The following MICOS10 variants were observed in gnomAD, a reference collection of about 807,000 sequenced individuals.
MICOS10 encodes the protein mitochondrial contact site and cristae organizing system subunit 10, also known as MICOS complex subunit MIC10.
In MICOS10, 5 loss-of-function variants were observed where a neutral mutation model predicts 13.4. The observed-to-expected ratio is 0.37, with a 90% CI of 0.20 to 0.78. The LOEUF is 0.78. Among genes scored for constraint, MICOS10 ranks in the 30% least tolerant of loss-of-function variants. The pLI is 0.47. For missense variants in MICOS10, 101 were observed against 94.6 expected, an observed-to-expected ratio of 1.07 and a Z score of -0.28; for synonymous variants, 35 against 33.6, an observed-to-expected ratio of 1.04 and a Z score of -0.15.
At chr1:19,622,217 A>AGG in intron 2 of MICOS10, 70 bp downstream of exon 2, 2 of 1,299,308 alleles carry the variant, frequency 1.5e-6, no homozygotes, top group Non-Finnish European at 2.2e-6. Flanking sequence ...ACACTTCCAG[A>AGG]GGACACATTG....
chr1:19,608,478 C>T (rs755204603), intron 1 of MICOS10: 21 of 1,247,910 alleles, frequency 1.7e-5, no homozygotes, highest in Middle Eastern at 1.9e-4. Flanking sequence ...CTTGCCTGCT[C>T]GGGTATGAAG....
chr1:19,608,613 T>TA (rs767592470), intron 1 of MICOS10: 46 of 721,112 alleles, frequency 6.4e-5, no homozygotes, highest in Admixed American at 1.1e-4. Context: ...TGCCTTCATG[T>TA]AAAAAATAAA....
Position 19,617,071 on chromosome 1 carries a change from C to G in MICOS10, c.65-5029C>G, listed in dbSNP as rs915658724. On this transcript the variant is annotated intron_variant, in intron 1 of 3. Transcript: ENST00000322753. ...CTCCAGCTATGTTTCTTGTTTTATG[C>G]ATTCTTGGGAGCTGTATGGCTGTCA... Among the ~76,000 whole-genome samples, 3 of 152,212 alleles carry G rather than the reference C, an allele frequency of 2.0e-5. No individual in the cohort carries two copies. The East Asian group carries it at 5.8e-4, about 29-fold the overall frequency.
Position 19,608,086 on chromosome 1 carries a change from G to C in MICOS10, c.64+10977G>C, listed in dbSNP as rs147335470. The C allele has an allele frequency of 3.5e-6, 3 of 863,346 alleles. No homozygotes were observed. The East Asian group carries it at 7.2e-5, about 21-fold the overall frequency. The allele number at this position is 863,346 out of a possible 1,614,324, so 53.5% of individuals were successfully genotyped here. On this transcript the variant is annotated intron_variant, in intron 1 of 3. Transcript: ENST00000322753. ...CTATAAAACCTATAAGAGCTTTCCCGTGTGGAGTCTGGAGACGACGTGCAG... is the reference window on the plus strand; with the variant it reads ...CTATAAAACCTATAAGAGCTTTCCCCTGTGGAGTCTGGAGACGACGTGCAG...
intron 1 of MICOS10, among the ~76,000 whole-genome samples, chr1:19,621,507 CTT>C (rs1391178642): frequency 6.6e-6 from 1 of 152,126 alleles, no homozygotes; most frequent in East Asian, 1.9e-4. Context: ...GTCTGGCAGA[CTT>C]GAGCCCAGAT....
At chr1:19,614,353 C>T (rs1196402422) in intron 1 of MICOS10, 4 of 150,886 alleles carry the variant, frequency 2.7e-5, no homozygotes, top group Non-Finnish European at 5.9e-5. Flanking sequence ...GATACACACA[C>T]ACCTGCACAC....
intron 1 of MICOS10, among the ~76,000 whole-genome samples, chr1:19,602,600 A>G (rs1051401757): frequency 2.0e-5 from 3 of 152,246 alleles, no homozygotes; most frequent in African/African-American, 7.2e-5. Context: ...CATTTTATGA[A>G]TGGCATGTTC....
chr1:19,620,044 C>G (rs574655911), intron 1 of MICOS10, among the ~76,000 whole-genome samples: 16 of 152,226 alleles, frequency 1.1e-4, no homozygotes, highest in Non-Finnish European at 2.4e-4. Flanking sequence ...AAACTGTATT[C>G]ATTGTTAAAT....
intron 1 of MICOS10, among the ~76,000 whole-genome samples, chr1:19,614,261 A>G (rs1272152565): frequency 6.6e-6 from 1 of 151,682 alleles, no homozygotes; most frequent in Non-Finnish European, 1.5e-5. Context: ...TCATTGTTTT[A>G]TAATTATCCA....
intron 2 of MICOS10, among the ~76,000 whole-genome samples, chr1:19,623,093 T>G (rs908300849): frequency 6.6e-6 from 1 of 151,980 alleles, no homozygotes; most frequent in Non-Finnish European, 1.5e-5. Flanking sequence ...GGCTAATTTT[T>G]TTGTATTTTA....
intron 1 of MICOS10, among the ~76,000 whole-genome samples, chr1:19,614,325 TAA>T (rs1292506561): frequency 2.2e-5 from 3 of 136,584 alleles, no homozygotes; most frequent in Non-Finnish European, 1.6e-5. Flanking sequence ...ACCTCCCTTA[TAA>T]AAAAAAAAAA....
chr1:19,600,947 C>G, intron 1 of MICOS10: 1 of 1,289,358 alleles, frequency 7.8e-7, no homozygotes, highest in Non-Finnish European at 1.0e-6. Context: ...TGAAGGGAAG[C>G]CATGGTGAAT....
intron 1 of MICOS10, among the ~76,000 whole-genome samples, chr1:19,614,843 C>T (rs2094877632): frequency 6.6e-6 from 1 of 152,186 alleles, no homozygotes; most frequent in Non-Finnish European, 1.5e-5. Context: ...TCCTTTGTAG[C>T]CTCCTCTCCT....
Position 19,626,491 on chromosome 1 carries a change from T to A in MICOS10, c.*90T>A. ...AGTGCCCTGGAGTAAGCTGCCATTCTTCTGTAACAATGTTATCAGTAATGC... is the reference window on the plus strand; with the variant it reads ...AGTGCCCTGGAGTAAGCTGCCATTCATCTGTAACAATGTTATCAGTAATGC... On this transcript the variant is annotated 3_prime_UTR_variant, in exon 4 of 4. Transcript: ENST00000322753. The A allele has an allele frequency of 7.1e-7, 1 of 1,405,294 alleles. No homozygotes were observed. The highest frequency in any genetic ancestry group is 1.0e-6 in the Non-Finnish European group (1 of 996,878). The allele number at this position is 1,405,294 out of a possible 1,614,324, so 87.1% of individuals were successfully genotyped here. A position where few individuals can be genotyped will look rare whatever the true frequency, so the allele number is the denominator to read the frequency against.
intron 1 of MICOS10, among the ~76,000 whole-genome samples, chr1:19,599,344 A>G (rs2094805116): frequency 6.6e-6 from 1 of 152,188 alleles, no homozygotes; most frequent in East Asian, 1.9e-4. Flanking sequence ...AGCTTGAGCC[A>G]CTGCACCCAG....
intron 2 of MICOS10, among the ~76,000 whole-genome samples, chr1:19,622,827 T>G (rs1260765862): frequency 6.6e-6 from 1 of 152,138 alleles, no homozygotes; most frequent in Non-Finnish European, 1.5e-5. Context: ...AATTCATGCA[T>G]CTTACTGGCT....
At chr1:19,624,149 T>A (rs757580234) in intron 3 of MICOS10, among the ~76,000 whole-genome samples, 2 of 151,922 alleles carry the variant, frequency 1.3e-5, no homozygotes, top group Admixed American at 6.6e-5. Flanking sequence ...CCTGGCTGAT[T>A]TTTGTATTTT....
intron 1 of MICOS10, chr1:19,608,491 C>G (rs769362807): frequency 9.1e-6 from 11 of 1,211,422 alleles, no homozygotes; most frequent in African/African-American, 7.4e-5. Flanking sequence ...GTATGAAGAT[C>G]GGGAGGATTG....
Position 19,628,365 on chromosome 1 carries a change from G to A in MICOS10, c.*1964G>A, listed in dbSNP as rs78876955. The A allele has an allele frequency of 0.14, 18,689 of 135,656 alleles. 1,258 individuals are homozygous for A. Among genetic ancestry groups the A allele is most frequent in the South Asian group, 0.2 (769 of 3,912 alleles). The allele number at this position is 135,656 out of a possible 1,614,324, so 8.4% of individuals were successfully genotyped here. On this transcript the variant is annotated 3_prime_UTR_variant, in exon 4 of 4. Coordinates refer to ENST00000322753, the MANE Select transcript of MICOS10 (RefSeq NM_001032363.4). ...GCTGGGATTACAGGCGTGAGCCACC[G>A]CACCCAGCCTCCTATTTGCTTTAAA...
Sources: allele counts gnomAD v4.1 joint callset (sites outside exome capture counted in the v4.1 genomes callset), GRCh38; gene constraint gnomAD v4.1.1; transcripts MANE v1.5; gene names NCBI Gene and HGNC (gene_info 2026-07-23, HGNC 2026-07-21).